FSD1L: variants seen among roughly 807,000 people sequenced by gnomAD.
The protein encoded by FSD1L is FSD1-like protein.
In FSD1L, 45 loss-of-function variants were observed where a neutral mutation model predicts 71.6. The ratio of observed to expected loss-of-function variants is 0.63; its 90% CI spans 0.49 to 0.81. The LOEUF (loss-of-function observed/expected upper bound fraction) is 0.81. Ranked by LOEUF, FSD1L falls within the 30% of genes least tolerant of loss-of-function variation. The pLI is 0.00. For synonymous variants in FSD1L, 197 were observed against 207.2 expected (o/e 0.95, Z 0.42); for missense variants, 561 against 618.1 (o/e 0.91, Z 0.98).
intron 6 of FSD1L, among the ~76,000 whole-genome samples, chr9:105,479,916 A>G (rs1283685372): frequency 1.3e-5 from 2 of 152,210 alleles, no homozygotes; most frequent in African/African-American, 4.8e-5. Context: ...AGAGAAAATT[A>G]AAGAAAATTA....
intron 2 of FSD1L, among the ~76,000 whole-genome samples, chr9:105,462,077 A>G (rs1361553923): frequency 6.6e-6 from 1 of 152,168 alleles, no homozygotes; most frequent in African/African-American, 2.4e-5. Context: ...AAAGCTTGCT[A>G]CTAAACTTAG....
chr9:105,483,588 T>C (rs984987126), intron 6 of FSD1L, among the ~76,000 whole-genome samples: 2 of 152,222 alleles, frequency 1.3e-5, no homozygotes, highest in African/African-American at 4.8e-5. Context: ...TAAAAATTAA[T>C]AGAATAAGAG....
Position 105,471,979 on chromosome 9 carries a change from A to T in FSD1L, c.415A>T (p.Ile139Leu). The change falls in exon 5 of 14, where the codon ATA (isoleucine) becomes TTA (leucine). Residue 139 changes from isoleucine to leucine, a missense_variant. Physicochemically the swap from Ile to Leu is conservative, Grantham distance 5. Coordinates refer to ENST00000481272, the MANE Select transcript of FSD1L (RefSeq NM_001145313.3). ...LLEFATRSLD[I>L]KEPEEFSKAA... ...AGAATTTGCAACAAGGTCATTAGAT[A>T]TAAAGGAACCTGAAGAATTTTCAAA... 4 of 1,445,172 alleles carry T rather than the reference A, an allele frequency of 2.8e-6. No individual in the cohort carries two copies. The highest frequency in any genetic ancestry group is 3.6e-6 in the Non-Finnish European group (4 of 1,100,482). 89.5% of individuals were successfully genotyped at this position (1,445,172 alleles called of 1,614,324 possible).
chr9:105,454,205 A>G (rs573099103), intron 1 of FSD1L, among the ~76,000 whole-genome samples: 34 of 152,318 alleles, frequency 2.2e-4, no homozygotes, highest in African/African-American at 7.9e-4. Context: ...AACTTTTCTA[A>G]AATTATGGTA....
chr9:105,524,629 T>C (rs1421890144), intron 10 of FSD1L: 9 of 1,613,824 alleles, frequency 5.6e-6, no homozygotes, highest in Non-Finnish European at 7.6e-6. Flanking sequence ...TTGGCATCTG[T>C]AGATTATGAT....
chr9:105,454,385 T>G (rs1803420169), intron 1 of FSD1L, among the ~76,000 whole-genome samples: 1 of 152,332 alleles, frequency 6.6e-6, no homozygotes, highest in South Asian at 2.1e-4. Flanking sequence ...CTTTTAATGT[T>G]ATAAATATCA....
At chr9:105,516,739 A>G (rs1020683848) in intron 10 of FSD1L, among the ~76,000 whole-genome samples, 1 of 152,220 alleles carries the variant, frequency 6.6e-6, no homozygotes, top group Non-Finnish European at 1.5e-5. Flanking sequence ...AAAAGGCTGA[A>G]AATTCCAAAA....
chr9:105,503,312 TATTA>T, intron 7 of FSD1L, among the ~76,000 whole-genome samples: 1 of 152,320 alleles, frequency 6.6e-6, no homozygotes, highest in Admixed American at 6.5e-5. Flanking sequence ...AAGAAATATC[TATTA>T]ATTCCATAAA....
At chr9:105,524,427 C>G in intron 10 of FSD1L, 1 of 1,613,460 alleles carries the variant, frequency 6.2e-7, no homozygotes, top group South Asian at 1.1e-5. Flanking sequence ...AGTATCTTTA[C>G]TTCTCTGCCT....
intron 10 of FSD1L, chr9:105,524,632 A>G (rs1027436296): frequency 5.9e-5 from 96 of 1,613,844 alleles, no homozygotes; most frequent in Non-Finnish European, 7.7e-5. Flanking sequence ...GCATCTGTAG[A>G]TTATGATCCT....
At chr9:105,534,432 AG>A in intron 10 of FSD1L, 60 bp from the exon 11 acceptor site, 1 of 845,872 alleles carries the variant, frequency 1.2e-6, no homozygotes, top group South Asian at 1.7e-5. Flanking sequence ...TTCTAGTTTT[AG>A]TTTATGAAAC....
intron 5 of FSD1L, among the ~76,000 whole-genome samples, chr9:105,476,826 A>G (rs921987202): frequency 1.3e-5 from 2 of 152,224 alleles, no homozygotes; most frequent in African/African-American, 2.4e-5. Context: ...GCCCTTTCAA[A>G]GAAATATCTT....
At position 105,506,412 on chromosome 9, in the gene FSD1L, A is replaced by C. The variant is rs1050824742; in HGVS notation, c.600A>C (p.Pro200=). 3 of 1,550,530 alleles carry C rather than the reference A, an allele frequency of 1.9e-6. No individual in the cohort carries two copies. Among genetic ancestry groups the C allele is most frequent in the Non-Finnish European group, 1.7e-6 (2 of 1,146,166 alleles). ...TLKFLPVPKA[P]EIDPVECLVA... ...TCTTCTTTGCAGTCCCCAAAGCTCC[A>C]GAGATAGATCCAGTAGAGTGTTTGG... Residue 200 remains proline, a synonymous_variant, in exon 8 of 14, where the codon CCA becomes CCC. Coordinates refer to ENST00000481272, the MANE Select transcript of FSD1L (RefSeq NM_001145313.3).
At chr9:105,456,412 A>G (rs1316328053) in intron 1 of FSD1L, among the ~76,000 whole-genome samples, 1 of 152,238 alleles carries the variant, frequency 6.6e-6, no homozygotes, top group Non-Finnish European at 1.5e-5. Flanking sequence ...AGAGCTTAAG[A>G]TAGTACTTGG....
At chr9:105,523,196 A>G in intron 10 of FSD1L, 3 of 1,613,520 alleles carry the variant, frequency 1.9e-6, no homozygotes, top group South Asian at 1.1e-5. Flanking sequence ...CTGAAGTTGC[A>G]ACTATTACTG....
upstream of FSD1L, among the ~76,000 whole-genome samples, chr9:105,446,711 CT>C (rs59960095): frequency 0.011 from 1,547 of 138,994 alleles, 13 homozygotes; most frequent in Middle Eastern, 0.029. Context: ...AGCACGTTAA[CT>C]TTTTTTTTTT....
Position 105,547,259 on chromosome 9 carries a change from T to A in FSD1L, c.*776T>A, listed in dbSNP as rs1837059703. ...TTTTGAAAGCCTTATATTTTTTGAT[T>A]TTGTTGTCTAGTTTAATCCTACCTT... On this transcript the variant is annotated 3_prime_UTR_variant, in exon 14 of 14. Transcript: ENST00000481272. The A allele has an allele frequency of 6.6e-6, 1 of 151,756 alleles. No individual in the cohort carries two copies. Among genetic ancestry groups the A allele is most frequent in the Non-Finnish European group, 1.5e-5 (1 of 67,732 alleles). 9.4% of individuals were successfully genotyped at this position (151,756 alleles called of 1,614,324 possible). A position where few individuals can be genotyped will look rare whatever the true frequency, so the allele number is the denominator to read the frequency against.
chr9:105,502,458 A>G (rs187378837), intron 7 of FSD1L, among the ~76,000 whole-genome samples: 3 of 152,262 alleles, frequency 2.0e-5, no homozygotes, highest in African/African-American at 7.2e-5. Context: ...TGAGGCTTTA[A>G]CTGTTTTCTA....
intron 1 of FSD1L, among the ~76,000 whole-genome samples, chr9:105,452,669 G>GCCTGCCTGCCTTCCTGCCTTCCTT (rs1191519308): frequency 1.0e-5 from 1 of 96,172 alleles, no homozygotes; most frequent in African/African-American, 4.3e-5. Context: ...CTGCCTGCCT[G>GCCTGCCTGCCTTCCTGCCTTCCTT]CCTTCCTTCC....
Sources: gnomAD v4.1 joint callset for allele counts (sites outside exome capture counted in the v4.1 genomes callset) on GRCh38, gnomAD v4.1.1 for gene constraint, MANE v1.5 for transcripts, NCBI Gene and HGNC (gene_info 2026-07-23, HGNC 2026-07-21) for gene names.